The following HOXA3 variants were observed in gnomAD, a reference collection of about 807,000 sequenced individuals.
The protein encoded by HOXA3 is homeobox A3.
HOXA3 carries 8 observed loss-of-function variants against 30.3 expected under a neutral mutation model. The observed-to-expected ratio is 0.26, with a 90% confidence interval of 0.15 to 0.48. The LOEUF is 0.48. Ranked by LOEUF, HOXA3 falls within the 20% of genes least tolerant of loss-of-function variation. The pLI, the probability that HOXA3 is intolerant of heterozygous loss-of-function variation, is 0.99. For synonymous variants in HOXA3, 323 were observed against 273.1 expected (o/e 1.18, Z -1.80); for missense variants, 653 against 614.4 (o/e 1.06, Z -0.66).
chr7:27,143,402 C>T, intron 1 of HOXA3: 1 of 1,608,518 alleles, frequency 6.2e-7, no homozygotes, highest in African/African-American at 1.3e-5. Context: ...GCTGCGGGCG[C>T]GCTCTCCGGA....
chr7:27,135,398 C>T (rs1785680935), intron 2 of HOXA3, among the ~76,000 whole-genome samples: 1 of 152,056 alleles, frequency 6.6e-6, no homozygotes, highest in Non-Finnish European at 1.5e-5. Context: ...CAAACAGGAA[C>T]ATTTTCATGG....
chr7:27,139,474 G>C (rs909064309), intron 2 of HOXA3, among the ~76,000 whole-genome samples: 14 of 152,190 alleles, frequency 9.2e-5, no homozygotes, highest in African/African-American at 3.4e-4. Context: ...CCGCTCTCGC[G>C]AGCTAGCCTG....
chr7:27,147,315 G>A, intron 1 of HOXA3: 1 of 1,613,596 alleles, frequency 6.2e-7, no homozygotes, highest in South Asian at 1.1e-5. Context: ...TACCCGCGCA[G>A]GAGTTCATCC....
chr7:27,147,392 C>G lies in HOXA3; in HGVS notation c.-494+4896G>C, dbSNP rs747905039. The G allele has an allele frequency of 5.6e-6, 9 of 1,614,098 alleles. No individual in the cohort carries two copies. In the East Asian group the frequency reaches 6.7e-5, roughly 12 times the overall value. On this transcript the variant is annotated intron_variant, in intron 1 of 5. Coordinates refer to ENST00000612286, the MANE Select transcript of HOXA3 (RefSeq NM_153631.3). The stretch of plus-strand genomic sequence containing the variant: ...GCGCCTTCGTCATGGAGTGCTTTGC[C>G]CTGCCCGCTGCTGCTGTCGGGTTTG...
chr7:27,147,598 G>T (rs768156585), intron 1 of HOXA3: 32 of 1,614,230 alleles, frequency 2.0e-5, no homozygotes, highest in South Asian at 4.4e-5. Flanking sequence ...TGAGGTGTAC[G>T]TCTTGTCCGG....
At chr7:27,121,739 C>A (rs1286255144) in intron 4 of HOXA3, among the ~76,000 whole-genome samples, 1 of 152,226 alleles carries the variant, frequency 6.6e-6, no homozygotes, top group Admixed American at 6.5e-5. Context: ...CAAACTCATT[C>A]CTTCATACCA....
intron 2 of HOXA3, chr7:27,130,551 A>G (rs1022626778): frequency 7.2e-7 from 1 of 1,390,892 alleles, no homozygotes; most frequent in Non-Finnish European, 9.4e-7. Flanking sequence ...CGCCCGCGTG[A>G]GGGAGCTGGG....
At position 27,147,598 on chromosome 7, in the gene HOXA3, G is replaced by A. The variant is rs768156585; in HGVS notation, c.-494+4690C>T. On this transcript the variant is annotated intron_variant, in intron 1 of 5. Coordinates refer to ENST00000612286, the MANE Select transcript of HOXA3 (RefSeq NM_153631.3). ...TTGGTAGAAACAAGGTGAGGTGTAC[G>A]TCTTGTCCGGGAGACTCGACGCCCC... 5 of 1,614,112 alleles carry A rather than the reference G, an allele frequency of 3.1e-6. No individual in the cohort carries two copies. The African/African-American group carries it at 4.0e-5, about 13-fold the overall frequency.
At chr7:27,142,038 G>A (rs1352203462) in intron 1 of HOXA3, 1 of 1,614,170 alleles carries the variant, frequency 6.2e-7, no homozygotes, top group African/African-American at 1.3e-5. Context: ...GTCTGGTAGC[G>A]CGTGTAGGCC....
At chr7:27,139,045 C>T (rs940906057) in intron 2 of HOXA3, among the ~76,000 whole-genome samples, 2 of 152,044 alleles carry the variant, frequency 1.3e-5, no homozygotes, top group Non-Finnish European at 2.9e-5. Context: ...ATCCAGGGGG[C>T]CGCCTAAGTT....
At position 27,130,798 on chromosome 7, in the gene HOXA3, C is replaced by A. The variant is rs1583397623; in HGVS notation, c.-389-3728G>T. ...GTCGTTTTTTCTGGGCTTGCCGAGGCCCCTCCCCCTCCTGCCTCGCTTCCC... is the reference window on the plus strand; with the variant it reads ...GTCGTTTTTTCTGGGCTTGCCGAGGACCCTCCCCCTCCTGCCTCGCTTCCC... On this transcript the variant is annotated intron_variant, in intron 2 of 5. Coordinates refer to ENST00000612286, the MANE Select transcript of HOXA3 (RefSeq NM_153631.3). 4.1e-6 allele frequency: 6 copies of A among 1,473,408 alleles called. 2 individuals are homozygous for A. In the Admixed American group the frequency reaches 1.2e-4, roughly 29 times the overall value. The allele number at this position is 1,473,408 out of a possible 1,614,324, so 91.3% of individuals were successfully genotyped here.
At chr7:27,130,524 A>AG (rs1562723011) in intron 2 of HOXA3, 1 of 1,348,986 alleles carries the variant, frequency 7.4e-7, no homozygotes, top group Non-Finnish European at 9.5e-7. Flanking sequence ...AGTAGGAGGC[A>AG]GTGGGCTCTC....
At chr7:27,131,777 C>G (rs902118741) in intron 2 of HOXA3, among the ~76,000 whole-genome samples, 79 of 152,162 alleles carry the variant, frequency 5.2e-4, no homozygotes, top group African/African-American at 1.8e-3. Context: ...CTTGCCGGGT[C>G]TGATCGCTGA....
chr7:27,149,694 A>G (rs1782903615), intron 1 of HOXA3, among the ~76,000 whole-genome samples: 1 of 152,262 alleles, frequency 6.6e-6, no homozygotes, highest in Admixed American at 6.5e-5. Flanking sequence ...TTTCCCACAC[A>G]TTACTTCAGG....
intron 1 of HOXA3, chr7:27,142,206 G>T: frequency 9.9e-7 from 1 of 1,008,432 alleles, no homozygotes; most frequent in Non-Finnish European, 1.4e-6. Context: ...CTGCCTACCA[G>T]CCCGCACACC....
intron 2 of HOXA3, among the ~76,000 whole-genome samples, chr7:27,133,723 C>A (rs1198478138): frequency 6.6e-6 from 1 of 152,182 alleles, no homozygotes; most frequent in Non-Finnish European, 1.5e-5. Flanking sequence ...TGATTTGAAT[C>A]ATTTTGAATA....
At chr7:27,145,597 C>G in intron 1 of HOXA3, 1 of 1,561,850 alleles carries the variant, frequency 6.4e-7, no homozygotes, top group Non-Finnish European at 8.7e-7. Flanking sequence ...GGGGAACAGG[C>G]GAGGGCAAGG....
intron 1 of HOXA3, chr7:27,142,771 AG>A (rs1346845839): frequency 1.9e-5 from 8 of 414,780 alleles, no homozygotes; most frequent in African/African-American, 1.7e-4. Context: ...GCGCGTCCCA[AG>A]GCGTGGGGTT....
intron 2 of HOXA3, among the ~76,000 whole-genome samples, chr7:27,136,847 G>T (rs1464140887): frequency 1.3e-5 from 2 of 152,192 alleles, no homozygotes; most frequent in Non-Finnish European, 2.9e-5. Flanking sequence ...AAGTTCTGGG[G>T]CTTAGAATGG....
Sources: allele counts gnomAD v4.1 joint callset (sites outside exome capture counted in the v4.1 genomes callset), GRCh38; gene constraint gnomAD v4.1.1; transcripts MANE v1.5; gene names NCBI Gene and HGNC (gene_info 2026-07-23, HGNC 2026-07-21).